The following PDE4D variants were observed in gnomAD, a reference collection of about 807,000 sequenced individuals.
The protein encoded by PDE4D is 3',5'-cyclic-AMP phosphodiesterase 4D.
Under a neutral mutation model 87.4 loss-of-function variants are expected in PDE4D, and 24 were observed. The ratio of observed to expected loss-of-function variants is 0.27; its 90% confidence interval spans 0.20 to 0.39. The LOEUF is 0.39. PDE4D is among the 10% of genes least tolerant of loss of function. The pLI, the probability that PDE4D is intolerant of heterozygous loss-of-function variation, is 1.00. For synonymous variants in PDE4D, 384 were observed against 383.2 expected (o/e 1.00, Z -0.02); for missense variants, 714 against 1,041.0 (o/e 0.69, Z 4.32).
At chr5:59,650,117 A>C (rs1743211448) in intron 1 of PDE4D, among the ~76,000 whole-genome samples, 1 of 151,648 alleles carries the variant, frequency 6.6e-6, no homozygotes, top group Non-Finnish European at 1.5e-5. Flanking sequence ...TGCAAACAAC[A>C]TGTAATTTCA....
At chr5:60,255,243 AGACATC>A (rs1748918040) in intron 1 of PDE4D, among the ~76,000 whole-genome samples, 7 of 151,918 alleles carry the variant, frequency 4.6e-5, no homozygotes, top group African/African-American at 1.7e-4. Context: ...GTCAAAGGAC[AGACATC>A]ACTATGTGGG....
At chr5:59,056,252 C>A (rs892867726) in intron 5 of PDE4D, among the ~76,000 whole-genome samples, 8 of 152,110 alleles carry the variant, frequency 5.3e-5, no homozygotes, top group African/African-American at 1.9e-4. Flanking sequence ...ACAGTCTTTT[C>A]TTTCCCCAGT....
chr5:60,254,906 C>A (rs538749244), intron 1 of PDE4D, among the ~76,000 whole-genome samples: 1 of 151,922 alleles, frequency 6.6e-6, no homozygotes, highest in South Asian at 2.1e-4. Context: ...ATAATAAATG[C>A]TCAATTAATA....
At chr5:60,519,708 T>C (rs1750952819) in intron 1 of PDE4D, among the ~76,000 whole-genome samples, 1 of 152,252 alleles carries the variant, frequency 6.6e-6, no homozygotes. Context: ...AAAGTGCCTT[T>C]GGAGGAGGCT....
intron 1 of PDE4D, among the ~76,000 whole-genome samples, chr5:60,357,582 T>G (rs1412178885): frequency 2.0e-5 from 3 of 152,202 alleles, no homozygotes; most frequent in African/African-American, 7.2e-5. Flanking sequence ...AAGACTAAAC[T>G]TTTATGTCTT....
intron 2 of PDE4D, among the ~76,000 whole-genome samples, chr5:60,185,334 T>C (rs1784697666): frequency 6.6e-6 from 1 of 152,128 alleles, no homozygotes; most frequent in South Asian, 2.1e-4. Context: ...GAATGAATGG[T>C]AAGATATAAA....
chr5:60,406,104 A>G (rs894214888), intron 1 of PDE4D, among the ~76,000 whole-genome samples: 5 of 152,164 alleles, frequency 3.3e-5, no homozygotes, highest in African/African-American at 9.7e-5. Context: ...AATAATAAAG[A>G]TATTTCCTGC....
chr5:59,387,788 T>C (rs1215738362), intron 1 of PDE4D, among the ~76,000 whole-genome samples: 1 of 152,114 alleles, frequency 6.6e-6, no homozygotes, highest in Middle Eastern at 3.2e-3. Context: ...CTTATCTTTT[T>C]TTGTGGCAAG....
At chr5:60,063,284 T>TTAA (rs1771694603) in intron 2 of PDE4D, among the ~76,000 whole-genome samples, 1 of 152,144 alleles carries the variant, frequency 6.6e-6, no homozygotes, top group Non-Finnish European at 1.5e-5. Flanking sequence ...ATAAAGTGAT[T>TTAA]CTTTCTTAAC....
intron 1 of PDE4D, among the ~76,000 whole-genome samples, chr5:59,411,131 C>A (rs923521490): frequency 2.0e-5 from 3 of 152,146 alleles, no homozygotes; most frequent in African/African-American, 7.2e-5. Context: ...TCTCATCCAC[C>A]TTCCCCCCTT....
At chr5:59,334,334 C>A (rs999902513) in intron 1 of PDE4D, among the ~76,000 whole-genome samples, 1 of 143,326 alleles carries the variant, frequency 7.0e-6, no homozygotes, top group Non-Finnish European at 1.5e-5. Context: ...TCTTGGCTCA[C>A]TGCAACCTCT....
intron 1 of PDE4D, chr5:60,521,725 G>A (rs1338020439): frequency 6.6e-6 from 1 of 151,988 alleles, no homozygotes; most frequent in Non-Finnish European, 1.5e-5. Context: ...GAAACAATCT[G>A]CCCTCCCTCA....
intron 1 of PDE4D, among the ~76,000 whole-genome samples, chr5:59,686,846 G>C (rs890572083): frequency 6.6e-6 from 1 of 152,034 alleles, no homozygotes; most frequent in Non-Finnish European, 1.5e-5. Context: ...AAATGACTGG[G>C]GAGTTACCAA....
At chr5:59,012,502 C>A (rs1347149904) in intron 6 of PDE4D, among the ~76,000 whole-genome samples, 1 of 152,096 alleles carries the variant, frequency 6.6e-6, no homozygotes, top group Non-Finnish European at 1.5e-5. Flanking sequence ...GGGTTGCAAT[C>A]CTAGTCTCTG....
chr5:59,642,183 A>G (rs947375773), intron 1 of PDE4D, among the ~76,000 whole-genome samples: 25 of 152,078 alleles, frequency 1.6e-4, no homozygotes, highest in Middle Eastern at 3.2e-3. Flanking sequence ...AGAACTCTGG[A>G]AAAAACTATA....
chr5:59,074,914 T>A (rs971357638), intron 5 of PDE4D, among the ~76,000 whole-genome samples: 4 of 152,140 alleles, frequency 2.6e-5, no homozygotes, highest in Non-Finnish European at 5.9e-5. Flanking sequence ...TTTTATTATA[T>A]CATATAGTTC....
intron 1 of PDE4D, among the ~76,000 whole-genome samples, chr5:59,492,508 T>G (rs1425216699): frequency 6.6e-6 from 1 of 152,132 alleles, no homozygotes; most frequent in Non-Finnish European, 1.5e-5. Context: ...GAAAATCTAA[T>G]TTTCCTCCAA....
intron 1 of PDE4D, among the ~76,000 whole-genome samples, chr5:59,354,161 C>G (rs1168794916): frequency 6.6e-6 from 1 of 151,778 alleles, no homozygotes; most frequent in Non-Finnish European, 1.5e-5. Context: ...GAAGATTTTA[C>G]AAGATAAAAA....
chr5:60,286,422 G>T (rs1276540673), intron 1 of PDE4D, among the ~76,000 whole-genome samples: 1 of 152,146 alleles, frequency 6.6e-6, no homozygotes, highest in East Asian at 1.9e-4. Flanking sequence ...GTACTCTAAA[G>T]ATAGACAGAC....
Sources: gnomAD v4.1 joint callset for allele counts (sites outside exome capture counted in the v4.1 genomes callset) on GRCh38, gnomAD v4.1.1 for gene constraint, MANE v1.5 for transcripts, NCBI Gene and HGNC (gene_info 2026-07-23, HGNC 2026-07-21) for gene names.